Variants in PAPPA observed in about 807,000 individuals in gnomAD.
The protein encoded by PAPPA is pappalysin 1.
In PAPPA, 60 loss-of-function variants were observed where a neutral mutation model predicts 164.0. The observed-to-expected ratio is 0.37, with a 90% confidence interval of 0.30 to 0.45. The LOEUF is 0.45. PAPPA is among the 20% of genes least tolerant of loss of function. The pLI, the probability that PAPPA is intolerant of heterozygous loss-of-function variation, is 1.00. For synonymous variants in PAPPA, 875 were observed against 814.1 expected (o/e 1.07, Z -1.27); for missense variants, 1,782 against 2,087.3 (o/e 0.85, Z 2.85).
intron 1 of PAPPA, among the ~76,000 whole-genome samples, chr9:116,172,999 G>A (rs1208036911): frequency 1.3e-5 from 2 of 152,100 alleles, no homozygotes; most frequent in African/African-American, 4.8e-5. Flanking sequence ...AGACTCTCAG[G>A]GAAATAAAGG....
chr9:116,397,475 C>T lies in PAPPA; in HGVS notation c.*859C>T, dbSNP rs1361499918. 6.5e-6 allele frequency: 1 copy of T among 152,766 alleles called. No individual in the cohort carries two copies. The highest frequency in any genetic ancestry group is 1.5e-5 in the Non-Finnish European group (1 of 68,132). 9.5% of individuals were successfully genotyped at this position (152,766 alleles called of 1,614,324 possible). ...GCTGCTACTTTTCCTGCTGCTCTATCCTATACATTGAATAATCCAAGATGG... is the reference window on the plus strand; with the variant it reads ...GCTGCTACTTTTCCTGCTGCTCTATTCTATACATTGAATAATCCAAGATGG... On this transcript the variant is annotated 3_prime_UTR_variant, in exon 22 of 22. Coordinates refer to ENST00000328252, the MANE Select transcript of PAPPA (RefSeq NM_002581.5).
intron 2 of PAPPA, among the ~76,000 whole-genome samples, chr9:116,206,716 G>T (rs1382667215): frequency 3.3e-5 from 5 of 152,144 alleles, no homozygotes; most frequent in African/African-American, 1.2e-4. Context: ...TCTGCTAGTA[G>T]GAGGTGGACG....
chr9:116,367,143 G>A (rs777887035), intron 18 of PAPPA, among the ~76,000 whole-genome samples: 8 of 152,178 alleles, frequency 5.3e-5, no homozygotes, highest in Non-Finnish European at 8.8e-5. Context: ...GATAGAATTC[G>A]GTTATGGGAA....
chr9:116,157,271 T>C (rs1173413972), intron 1 of PAPPA, among the ~76,000 whole-genome samples: 3 of 152,162 alleles, frequency 2.0e-5, no homozygotes, highest in Non-Finnish European at 4.4e-5. Context: ...GGTTCAAACT[T>C]CACTGACACC....
intron 4 of PAPPA, among the ~76,000 whole-genome samples, chr9:116,217,393 CTA>C (rs1309540873): frequency 7.2e-5 from 11 of 152,144 alleles, no homozygotes; most frequent in Admixed American, 5.9e-4. Context: ...GTATTCTGTT[CTA>C]TGTCTGTGCC....
At chr9:116,209,118 G>A (rs189958510) in intron 3 of PAPPA, among the ~76,000 whole-genome samples, 82 of 152,302 alleles carry the variant, frequency 5.4e-4, no homozygotes, top group Middle Eastern at 3.4e-3. Context: ...TGTATGGGTA[G>A]ATAGATTGGC....
At chr9:116,331,133 C>T (rs1845985597) in intron 10 of PAPPA, 111 bp from the exon 11 acceptor site, 4 of 654,498 alleles carry the variant, frequency 6.1e-6, no homozygotes, top group South Asian at 1.9e-5. Context: ...CCTGTTTTTT[C>T]CTGTGGTGCC....
chr9:116,212,012 C>A (rs770960000), intron 4 of PAPPA, 80 bp downstream of exon 4: 8 of 1,245,064 alleles, frequency 6.4e-6, no homozygotes, highest in African/African-American at 4.4e-5. Context: ...GAACCTTGAA[C>A]AAGCTACTTA....
At position 116,399,084 on chromosome 9, in the gene PAPPA, G is replaced by C. The variant is rs1044753224; in HGVS notation, c.*2468G>C. The C allele has an allele frequency of 6.0e-6, 1 of 167,094 alleles. No homozygotes were observed. The highest frequency in any genetic ancestry group is 2.4e-5 in the African/African-American group (1 of 41,552). 10.4% of individuals were successfully genotyped at this position (167,094 alleles called of 1,614,324 possible). ...GACATTACTAATGATGTGATTTCAG[G>C]AGCCACAGAAGAACCTTACCAGCTT... On this transcript the variant is annotated 3_prime_UTR_variant, in exon 22 of 22. Transcript: ENST00000328252.
intron 1 of PAPPA, among the ~76,000 whole-genome samples, chr9:116,174,723 A>T (rs1843811890): frequency 1.3e-5 from 2 of 152,044 alleles, no homozygotes; most frequent in African/African-American, 4.8e-5. Context: ...TTCTTTTAGA[A>T]TCAGAAGAAA....
At chr9:116,298,477 C>T (rs1845537712) in intron 9 of PAPPA, among the ~76,000 whole-genome samples, 1 of 152,194 alleles carries the variant, frequency 6.6e-6, no homozygotes, top group Admixed American at 6.5e-5. Context: ...GAGGAATTCC[C>T]TGATATGAGG....
At chr9:116,280,846 C>T (rs1197648590) in intron 9 of PAPPA, among the ~76,000 whole-genome samples, 5 of 152,176 alleles carry the variant, frequency 3.3e-5, no homozygotes, top group Non-Finnish European at 7.3e-5. Flanking sequence ...TGAGTCATTC[C>T]AACAGAAATC....
chr9:116,364,060 T>C (rs1489437881), intron 18 of PAPPA, among the ~76,000 whole-genome samples: 2 of 152,208 alleles, frequency 1.3e-5, no homozygotes, highest in African/African-American at 4.8e-5. Flanking sequence ...TGGGATCTTA[T>C]AGGACCTGCT....
rs763756348 is a variant in PAPPA at position 116,235,383 on chromosome 9, C to T, written c.2478C>T (p.Ile826=). The stretch of plus-strand genomic sequence containing the variant: ...TGTTGGCTGTCAGTGGGAAGAACAT[C>T]TCCCTGGGTCCTCAGAATGTCTTCT... The part of the protein sequence containing the change: ...IKLLAVSGKN[I]SLGPQNVFCD... The change falls in exon 7 of 22, where the codon ATC becomes ATT. Residue 826 remains isoleucine (I), a synonymous_variant. Transcript: ENST00000328252. 1.9e-5 allele frequency: 31 copies of T among 1,613,966 alleles called. No individual in the cohort carries two copies. The highest frequency in any genetic ancestry group is 2.5e-5 in the Non-Finnish European group (30 of 1,180,022).
chr9:116,197,978 AC>A (rs1260070098), intron 2 of PAPPA, among the ~76,000 whole-genome samples: 1 of 152,208 alleles, frequency 6.6e-6, no homozygotes. Flanking sequence ...TTCTGAAATA[AC>A]CCTTGTTCCT....
At chr9:116,176,099 G>T (rs1227795399) in intron 1 of PAPPA, among the ~76,000 whole-genome samples, 1 of 152,152 alleles carries the variant, frequency 6.6e-6, no homozygotes, top group African/African-American at 2.4e-5. Flanking sequence ...AGGTCTACTG[G>T]AAGAAGTAAT....
At chr9:116,315,467 A>C (rs1174034357) in intron 10 of PAPPA, among the ~76,000 whole-genome samples, 1 of 152,234 alleles carries the variant, frequency 6.6e-6, no homozygotes, top group Non-Finnish European at 1.5e-5. Flanking sequence ...AATACTGATA[A>C]ATAAATGTTT....
rs1487068500 is a variant in PAPPA at position 116,366,479 on chromosome 9, GTACT to G, written c.4496-1160_4496-1157del. 2.0e-5 allele frequency among the ~76,000 whole-genome samples: 3 copies of G among 151,996 alleles called. No homozygotes were observed. The East Asian group carries it at 5.8e-4, about 29-fold the overall frequency. On this transcript the variant is annotated intron_variant, in intron 18 of 21. Coordinates refer to ENST00000328252, the MANE Select transcript of PAPPA (RefSeq NM_002581.5). Reference sequence around the variant, plus strand: ...CTCACTCATTCACTTATCCATTTATGTACTTACTTCTTCCTTCATACGACACCTA... The same window carrying G: ...CTCACTCATTCACTTATCCATTTATGTACTTCTTCCTTCATACGACACCTA...
At chr9:116,165,691 C>A (rs1035770212) in intron 1 of PAPPA, among the ~76,000 whole-genome samples, 3 of 152,166 alleles carry the variant, frequency 2.0e-5, no homozygotes, top group African/African-American at 7.2e-5. Context: ...ATTTGAAATT[C>A]CCCCAAATGC....
Sources: gnomAD v4.1 joint callset for allele counts (sites outside exome capture counted in the v4.1 genomes callset) on GRCh38, gnomAD v4.1.1 for gene constraint, MANE v1.5 for transcripts, NCBI Gene and HGNC (gene_info 2026-07-23, HGNC 2026-07-21) for gene names.